SV2C: variants seen among roughly 807,000 people sequenced by gnomAD.
SV2C encodes synaptic vesicle glycoprotein 2C.
SV2C carries 49 observed loss-of-function variants against 79.7 expected under a neutral mutation model. The ratio of observed to expected loss-of-function variants is 0.61; its 90% CI spans 0.49 to 0.78. The LOEUF (loss-of-function observed/expected upper bound fraction) is 0.78. Ranked by LOEUF, SV2C falls within the 30% of genes least tolerant of loss-of-function variation. SV2C has a pLI of 0.00. For missense variants in SV2C, 833 were observed against 912.9 expected (o/e 0.91, Z 1.13); for synonymous variants, 334 against 333.2 (o/e 1.00, Z -0.03).
chr5:76,149,401 G>T (rs1364110967), intron 2 of SV2C, among the ~76,000 whole-genome samples: 1 of 152,174 alleles, frequency 6.6e-6, no homozygotes, highest in Non-Finnish European at 1.5e-5. Flanking sequence ...GACCTGGAGT[G>T]GGGCCTCAGG....
chr5:75,885,914 G>A, the SV2C span, among the ~76,000 whole-genome samples: 15 of 152,304 alleles, frequency 9.8e-5, no homozygotes, highest in African/African-American at 3.4e-4. Context: ...GGAAAAGAGA[G>A]TTGCTGCAAG....
At chr5:75,961,747 A>G in the SV2C span, among the ~76,000 whole-genome samples, 4 of 152,034 alleles carry the variant, frequency 2.6e-5, no homozygotes, top group Non-Finnish European at 5.9e-5. Flanking sequence ...TTACATTTAG[A>G]TCAACATATA....
the SV2C span, among the ~76,000 whole-genome samples, chr5:76,000,901 A>C: frequency 6.6e-6 from 1 of 152,072 alleles, no homozygotes; most frequent in African/African-American, 2.4e-5. Flanking sequence ...ACTGATTTTC[A>C]TGCTTAAATA....
the SV2C span, among the ~76,000 whole-genome samples, chr5:76,049,065 C>T: frequency 2.8e-5 from 4 of 144,214 alleles, no homozygotes; most frequent in East Asian, 8.5e-4. Context: ...GGGCTGGGCG[C>T]GGTGGCTCAT....
chr5:76,230,009 T>C (rs1745365032), intron 4 of SV2C, among the ~76,000 whole-genome samples: 1 of 152,210 alleles, frequency 6.6e-6, no homozygotes, highest in South Asian at 2.1e-4. Flanking sequence ...CAACATGTTG[T>C]TTGTGAAAGG....
chr5:75,853,555 C>CAAAAAAAAAA, the SV2C span, among the ~76,000 whole-genome samples: 1 of 28,980 alleles, frequency 3.5e-5, no homozygotes, highest in East Asian at 1.1e-3. Flanking sequence ...GACTCCTTCT[C>CAAAAAAAAAA]AAAAAAAAAA....
chr5:76,122,314 A>C (rs1748536257), intron 1 of SV2C, among the ~76,000 whole-genome samples: 1 of 151,568 alleles, frequency 6.6e-6, no homozygotes, highest in African/African-American at 2.4e-5. Context: ...TGTCGTCTGC[A>C]AACAGGGACA....
Position 76,330,257 on chromosome 5 carries a change from C to T in SV2C, c.*4710C>T, listed in dbSNP as rs550878712. The T allele has an allele frequency of 6.6e-6, 1 of 152,284 alleles. No individual in the cohort carries two copies. Among genetic ancestry groups the T allele is most frequent in the South Asian group, 2.1e-4 (1 of 4,826 alleles). 9.4% of individuals were successfully genotyped at this position (152,284 alleles called of 1,614,324 possible). On this transcript the variant is annotated 3_prime_UTR_variant, in exon 13 of 13. Transcript: ENST00000502798. ...CCCTTCAGTCTTTCTTAAACAATATCTAAATGCAGTTTAGTAATCCCAGGA... is the reference window on the plus strand; with the variant it reads ...CCCTTCAGTCTTTCTTAAACAATATTTAAATGCAGTTTAGTAATCCCAGGA...
At chr5:76,304,515 G>A (rs996878736) in intron 12 of SV2C, among the ~76,000 whole-genome samples, 2 of 152,228 alleles carry the variant, frequency 1.3e-5, no homozygotes, top group African/African-American at 4.8e-5. Flanking sequence ...CTGGCTAGAG[G>A]CTTTACTTCA....
chr5:76,238,067 T>C (rs67343202), intron 4 of SV2C, among the ~76,000 whole-genome samples: 103 of 54,434 alleles, frequency 1.9e-3, no homozygotes, highest in East Asian at 2.8e-3. Flanking sequence ...CACACACACA[T>C]ATATATACCT....
chr5:76,277,572 A>C (rs966284175), intron 4 of SV2C, among the ~76,000 whole-genome samples: 18 of 152,144 alleles, frequency 1.2e-4, no homozygotes, highest in Admixed American at 1.3e-4. Context: ...CCAGGAGTTC[A>C]AGACCAGTCT....
the SV2C span, among the ~76,000 whole-genome samples, chr5:75,899,080 C>T: frequency 2.0e-5 from 3 of 152,066 alleles, no homozygotes; most frequent in Non-Finnish European, 4.4e-5. Flanking sequence ...CAGTTCTGCT[C>T]TGATTTTAGT....
the SV2C span, among the ~76,000 whole-genome samples, chr5:75,939,127 T>A: frequency 6.6e-6 from 1 of 152,218 alleles, no homozygotes; most frequent in Non-Finnish European, 1.5e-5. Flanking sequence ...GCACTCAATG[T>A]ACCATATACT....
At chr5:76,257,487 G>A (rs1393688503) in intron 4 of SV2C, among the ~76,000 whole-genome samples, 1 of 136,896 alleles carries the variant, frequency 7.3e-6, no homozygotes, top group Non-Finnish European at 1.7e-5. Context: ...TGGGTGTGTG[G>A]GAGTGTCCTG....
chr5:76,170,067 A>T (rs1288168893), intron 2 of SV2C, among the ~76,000 whole-genome samples: 2 of 152,000 alleles, frequency 1.3e-5, no homozygotes, highest in Non-Finnish European at 1.5e-5. Flanking sequence ...TTATTTTTTT[A>T]TTTTTATTTT....
chr5:76,251,295 C>G (rs72773792), intron 4 of SV2C, among the ~76,000 whole-genome samples: 2 of 151,850 alleles, frequency 1.3e-5, no homozygotes, highest in Admixed American at 1.3e-4. Flanking sequence ...GTAATCCCAG[C>G]GCTTTGGGAG....
At chr5:76,335,131 T>C (rs964056570), downstream of SV2C, among the ~76,000 whole-genome samples, 3 of 152,186 alleles carry the variant, frequency 2.0e-5, no homozygotes, top group Non-Finnish European at 4.4e-5. Flanking sequence ...ACTGAAAACA[T>C]AGAATATCCC....
intron 1 of SV2C, among the ~76,000 whole-genome samples, chr5:76,111,457 G>A (rs1013872819): frequency 4.6e-5 from 7 of 152,130 alleles, no homozygotes; most frequent in Non-Finnish European, 7.4e-5. Flanking sequence ...CTTTTCCAGC[G>A]AGGAAATGTA....
chr5:75,935,224 A>G, the SV2C span, among the ~76,000 whole-genome samples: 7 of 152,316 alleles, frequency 4.6e-5, no homozygotes, highest in East Asian at 1.3e-3. Context: ...AAGAATTAAA[A>G]CAACAAAACA....
Sources: gnomAD v4.1 joint callset for allele counts (sites outside exome capture counted in the v4.1 genomes callset) on GRCh38, gnomAD v4.1.1 for gene constraint, MANE v1.5 for transcripts, NCBI Gene and HGNC (gene_info 2026-07-23, HGNC 2026-07-21) for gene names.